CCBE1: variants seen among roughly 807,000 people sequenced by gnomAD.
CCBE1 encodes the protein collagen and calcium-binding EGF domain-containing protein 1.
In CCBE1, 37 loss-of-function variants were observed where a neutral mutation model predicts 50.0. The observed-to-expected ratio is 0.74, with a 90% CI of 0.57 to 0.97. The LOEUF (loss-of-function observed/expected upper bound fraction) is 0.97, where lower values mean the gene tolerates loss of function less well. Among genes scored for constraint, CCBE1 ranks in the 50% least tolerant of loss-of-function variants. The pLI, the probability that CCBE1 is intolerant of heterozygous loss-of-function variation, is 0.00. For synonymous variants in CCBE1, 234 were observed against 203.7 expected (o/e 1.15, Z -1.27); for missense variants, 538 against 523.8 (o/e 1.03, Z -0.26).
At chr18:59,494,570 A>G (rs895004093) in intron 2 of CCBE1, among the ~76,000 whole-genome samples, 1 of 152,048 alleles carries the variant, frequency 6.6e-6, no homozygotes, top group African/African-American at 2.4e-5. Flanking sequence ...ACTTCCTAAC[A>G]CACTGGATAT....
chr18:59,682,731 A>G (rs1016429401), intron 2 of CCBE1, among the ~76,000 whole-genome samples: 2 of 152,280 alleles, frequency 1.3e-5, no homozygotes, highest in Admixed American at 6.5e-5. Flanking sequence ...TAGCATATGC[A>G]TAGAAAGATT....
At position 59,697,303 on chromosome 18, in the gene CCBE1, C is replaced by T; in HGVS notation, c.40G>A (p.Gly14Ser). The stretch of plus-strand genomic sequence containing the variant: ...GGACCCAGGCTCCTGCCCAGCTGGC[C>T]CCTGGCAGCTCCTCCCCGGCTCGGA... ...PPPSRGGAARGQLGRSLGPLL... is the reference protein window; with the variant it reads ...PPPSRGGAARSQLGRSLGPLL... Residue 14 changes from glycine (G) to serine (S), a missense_variant, in exon 1 of 11, where the codon GGC becomes AGC. By Grantham distance (56) the Gly-to-Ser change is moderately conservative. Coordinates refer to ENST00000439986, the MANE Select transcript of CCBE1 (RefSeq NM_133459.4). 1 of 1,549,098 alleles carries T rather than the reference C, an allele frequency of 6.5e-7. No individual in the cohort carries two copies. The highest frequency in any genetic ancestry group is 8.7e-7 in the Non-Finnish European group (1 of 1,146,896).
chr18:59,663,623 C>T (rs888684417), intron 2 of CCBE1, among the ~76,000 whole-genome samples: 1 of 151,686 alleles, frequency 6.6e-6, no homozygotes, highest in Non-Finnish European at 1.5e-5. Flanking sequence ...GAGCTGGGTA[C>T]GTTTGGGGGA....
At chr18:59,662,990 G>A (rs778477959) in intron 2 of CCBE1, among the ~76,000 whole-genome samples, 2 of 151,860 alleles carry the variant, frequency 1.3e-5, no homozygotes, top group Non-Finnish European at 2.9e-5. Context: ...AAAACCTAGA[G>A]AATGACTCCA....
At chr18:59,477,105 C>T (rs1009457529) in intron 3 of CCBE1, among the ~76,000 whole-genome samples, 11 of 152,230 alleles carry the variant, frequency 7.2e-5, no homozygotes, top group African/African-American at 2.2e-4. Context: ...TTGGTCTCCT[C>T]ATGCCTCTGC....
At chr18:59,651,198 T>C (rs1182707302) in intron 2 of CCBE1, among the ~76,000 whole-genome samples, 1 of 152,194 alleles carries the variant, frequency 6.6e-6, no homozygotes, top group Non-Finnish European at 1.5e-5. Context: ...CCAATTACAA[T>C]GTGTTCCAGG....
intron 2 of CCBE1, among the ~76,000 whole-genome samples, chr18:59,502,350 G>C (rs673668): frequency 0.12 from 18,751 of 152,130 alleles, 1,861 homozygotes; most frequent in East Asian, 0.34. Context: ...TTGCTTTTTT[G>C]TGTGTGAGGT....
rs8088962 is a variant in CCBE1 at position 59,574,508 on chromosome 18, C to T, written c.213-94270G>A. 8.1e-3 allele frequency among the ~76,000 whole-genome samples: 1,239 copies of T among 152,304 alleles called. 24 individuals are homozygous for T. Among genetic ancestry groups the T allele is most frequent in the African/African-American group, 0.028 (1,156 of 41,548 alleles). ...CTTGTTATAAATTGAGTCAAAACCACGAGCTGATTTCACAAACTTCCTCCC... is the reference window on the plus strand; with the variant it reads ...CTTGTTATAAATTGAGTCAAAACCATGAGCTGATTTCACAAACTTCCTCCC... On this transcript the variant is annotated intron_variant, in intron 2 of 10. Transcript: ENST00000439986.
intron 2 of CCBE1, among the ~76,000 whole-genome samples, chr18:59,591,494 C>T (rs1183123744): frequency 1.3e-5 from 2 of 152,000 alleles, no homozygotes; most frequent in Non-Finnish European, 2.9e-5. Context: ...ACATATACAT[C>T]GTATAAACTC....
chr18:59,591,245 CA>C (rs58325003), intron 2 of CCBE1, among the ~76,000 whole-genome samples: 4 of 2,116 alleles, frequency 1.9e-3, no homozygotes, highest in Non-Finnish European at 2.7e-3. Context: ...GACTCCGTCT[CA>C]AAAAAAAAAA....
intron 2 of CCBE1, among the ~76,000 whole-genome samples, chr18:59,650,678 G>A (rs1459598069): frequency 2.0e-5 from 3 of 151,164 alleles, no homozygotes; most frequent in Non-Finnish European, 4.4e-5. Flanking sequence ...GTCTCTCTCT[G>A]CTTGGAATTT....
intron 2 of CCBE1, among the ~76,000 whole-genome samples, chr18:59,676,292 C>T (rs78768235): frequency 0.013 from 1,972 of 152,264 alleles, 47 homozygotes; most frequent in African/African-American, 0.045. Flanking sequence ...CTGTTGTTTT[C>T]GCCACATGGA....
Position 59,448,057 on chromosome 18 carries a change from G to A in CCBE1, c.701C>T (p.Thr234Ile). 1 of 1,614,208 alleles carries A rather than the reference G, an allele frequency of 6.2e-7. No individual in the cohort carries two copies. The change falls in exon 7 of 11, where the codon ACT becomes ATT. Residue 234 changes from threonine (T) to isoleucine (I), a missense_variant. Transcript: ENST00000439986. ...NNAADLGKYI[T>I]GDKVLASNTY... ...GTTTGAGGCCAGCACCTTGTCACCA[G>A]TGATATACTTGCCCAGGTCAGCTGC...
intron 2 of CCBE1, among the ~76,000 whole-genome samples, chr18:59,643,383 G>A (rs1409330054): frequency 2.0e-5 from 3 of 152,166 alleles, no homozygotes; most frequent in African/African-American, 7.2e-5. Flanking sequence ...AAAAGCAACT[G>A]TTTTGGAAGT....
Position 59,437,263 on chromosome 18 carries a change from C to T in CCBE1, c.987+848G>A, listed in dbSNP as rs779872042. 5.4e-4 allele frequency among the ~76,000 whole-genome samples: 82 copies of T among 152,174 alleles called. 1 individual carries two copies. Among genetic ancestry groups the T allele is most frequent in the Non-Finnish European group, 6.6e-4 (45 of 68,026 alleles). On this transcript the variant is annotated intron_variant, in intron 10 of 10. Transcript: ENST00000439986. ...GCTTGTCAGAAGCTTGTAGTAAAAT[C>T]GTTATCATCTCCCGCAACTGCTGCT...
At chr18:59,456,949 C>T (rs932360624) in intron 5 of CCBE1, among the ~76,000 whole-genome samples, 2 of 152,106 alleles carry the variant, frequency 1.3e-5, no homozygotes, top group Non-Finnish European at 2.9e-5. Flanking sequence ...TGGCAGCACC[C>T]GAGCTAGGTA....
In CCBE1 at chr18:59,437,755, G is replaced by A. The variant is rs1433845270; in HGVS notation, c.987+356C>T. Among the ~76,000 whole-genome samples, 4 of 152,142 alleles carry A rather than the reference G, an allele frequency of 2.6e-5. 1 individual carries two copies. Among genetic ancestry groups the A allele is most frequent in the Admixed American group, 1.3e-4 (2 of 15,264 alleles). ...CAGCAGTGGCTAAATTCTCAAGTAC[G>A]CAGAGTTATGATTTAAACCCATAGA... On this transcript the variant is annotated intron_variant, in intron 10 of 10. Transcript: ENST00000439986.
At chr18:59,555,532 T>C (rs1000977604) in intron 2 of CCBE1, among the ~76,000 whole-genome samples, 1 of 152,204 alleles carries the variant, frequency 6.6e-6, no homozygotes, top group South Asian at 2.1e-4. Flanking sequence ...AAGAAAGCCA[T>C]GCAGTTTCCT....
rs186026343 is a variant in CCBE1 at position 59,682,293 on chromosome 18, C to T, written c.212+14336G>A. Among the ~76,000 whole-genome samples the T allele has an allele frequency of 3.0e-3, 460 of 152,128 alleles. 2 individuals are homozygous for T. Among genetic ancestry groups the T allele is most frequent in the African/African-American group, 0.01 (432 of 41,508 alleles). Reference sequence around the variant, plus strand: ...AGGAGAATTGCTTGAACCCAGGAGGCGGAGGAGGTTGCAGTGAGCTGAGAT... The same window carrying T: ...AGGAGAATTGCTTGAACCCAGGAGGTGGAGGAGGTTGCAGTGAGCTGAGAT... On this transcript the variant is annotated intron_variant, in intron 2 of 10. Transcript: ENST00000439986.
Sources: gnomAD v4.1 joint callset for allele counts (sites outside exome capture counted in the v4.1 genomes callset) on GRCh38, gnomAD v4.1.1 for gene constraint, MANE v1.5 for transcripts, NCBI Gene and HGNC (gene_info 2026-07-23, HGNC 2026-07-21) for gene names.